KBTBD3: variants seen among roughly 807,000 people sequenced by gnomAD.
KBTBD3 encodes the protein kelch repeat and BTB domain-containing protein 3.
A neutral mutation model predicts 49.6 loss-of-function variants in KBTBD3; 38 were observed. The ratio of observed to expected loss-of-function variants is 0.77; its 90% confidence interval spans 0.59 to 1.00. The LOEUF is 1.00. KBTBD3 is among the 50% of genes least tolerant of loss of function. The probability of loss-of-function intolerance (pLI) is 0.00; values close to 1 mark genes in which losing one functional copy is unlikely to be tolerated. For synonymous variants in KBTBD3, 214 were observed against 250.4 expected (o/e 0.85, Z 1.37); for missense variants, 661 against 712.0 (o/e 0.93, Z 0.81).
Position 106,053,016 on chromosome 11 carries a change from C to T in KBTBD3, c.1673G>A (p.Gly558Asp). Reference sequence around the variant, plus strand: ...TGTGATTTCATCTGGTGCATAATCACCACCTAATATATAAATTTTATCTTC... The same window carrying T: ...TGTGATTTCATCTGGTGCATAATCATCACCTAATATATAAATTTTATCTTC... ...GIEDKIYILG[G>D]DYAPDEITDE... The change falls in exon 4 of 4, where the codon GGT becomes GAT. Residue 558 changes from glycine to aspartate, a missense_variant. Physicochemically the swap from Gly to Asp is moderately conservative, Grantham distance 94. Coordinates refer to ENST00000531837, the MANE Select transcript of KBTBD3 (RefSeq NM_198439.3). 1 of 1,613,700 alleles carries T rather than the reference C, an allele frequency of 6.2e-7. No individual in the cohort carries two copies. Among genetic ancestry groups the T allele is most frequent in the Non-Finnish European group, 8.5e-7 (1 of 1,179,754 alleles).
At chr11:106,074,287 C>T (rs181672902) in intron 2 of KBTBD3, among the ~76,000 whole-genome samples, 8 of 152,256 alleles carry the variant, frequency 5.3e-5, no homozygotes, top group African/African-American at 1.9e-4. Flanking sequence ...TTTTCTACTT[C>T]CTAAATCCAG....
Position 106,053,798 on chromosome 11 carries a change from T to A in KBTBD3, c.891A>T (p.Ile297=), listed in dbSNP as rs1299891144. 1 of 1,613,836 alleles carries A rather than the reference T, an allele frequency of 6.2e-7. No homozygotes were observed. ...CATTTTCCTCAGTTTTGTGAATGAATATGTATTTCTCAGTTGTGGATGGTC... is the reference window on the plus strand; with the variant it reads ...CATTTTCCTCAGTTTTGTGAATGAAAATGTATTTCTCAGTTGTGGATGGTC... ...DARPSTTEKY[I]FIHKTEENGE... is the part of the protein sequence containing the mutation. Residue 297 remains isoleucine, a synonymous_variant, in exon 4 of 4, where the codon ATA becomes ATT. Coordinates refer to ENST00000531837, the MANE Select transcript of KBTBD3 (RefSeq NM_198439.3).
Position 106,052,980 on chromosome 11 carries a change from T to C in KBTBD3, c.1709A>G (p.Gln570Arg). Reference sequence around the variant, plus strand: ...TTCAGACCTGTTGCTGTGGTAGACCTGCACTTCATCTGTGATTTCATCTGG... The same window carrying C: ...TTCAGACCTGTTGCTGTGGTAGACCCGCACTTCATCTGTGATTTCATCTGG... ...YAPDEITDEV[Q>R]VYHSNRSEWE... Residue 570 changes from glutamine (Q) to arginine (R), a missense_variant, in exon 4 of 4, where the codon CAG (glutamine) becomes CGG (arginine). Transcript: ENST00000531837. The C allele has an allele frequency of 1.2e-6, 2 of 1,613,834 alleles. No individual in the cohort carries two copies. Among genetic ancestry groups the C allele is most frequent in the Non-Finnish European group, 1.7e-6 (2 of 1,179,786 alleles).
At position 106,053,632 on chromosome 11, in the gene KBTBD3, T is replaced by G; in HGVS notation, c.1057A>C (p.Lys353Gln). 1.9e-6 allele frequency: 3 copies of G among 1,613,910 alleles called. No homozygotes were observed. The highest frequency in any genetic ancestry group is 2.5e-6 in the Non-Finnish European group (3 of 1,179,916). The change falls in exon 4 of 4, where the codon AAA becomes CAA. Residue 353 changes from lysine to glutamine, a missense_variant. Lys to Gln is a moderately conservative substitution (Grantham distance 53). Coordinates refer to ENST00000531837, the MANE Select transcript of KBTBD3 (RefSeq NM_198439.3). Reference protein sequence around the residue: ...KIFLTGGCKGKCCRTVRLHIA... With the variant: ...KIFLTGGCKGQCCRTVRLHIA... Reference sequence around the variant, plus strand: ...TGCAGTCGAACCGTTCGACAACATTTCCCTTTGCAACCACCTGTCAAGAAT... The same window carrying G: ...TGCAGTCGAACCGTTCGACAACATTGCCCTTTGCAACCACCTGTCAAGAAT...
chr11:106,074,149 T>G (rs1860984251), intron 2 of KBTBD3, among the ~76,000 whole-genome samples: 2 of 145,068 alleles, frequency 1.4e-5, no homozygotes, highest in Admixed American at 6.9e-5. Context: ...TTCTCATACA[T>G]TAAGAGCTTC....
intron 2 of KBTBD3, among the ~76,000 whole-genome samples, chr11:106,061,439 T>C (rs1240704889): frequency 1.3e-5 from 2 of 152,224 alleles, no homozygotes; most frequent in African/African-American, 2.4e-5. Flanking sequence ...GAGTGACAAT[T>C]TGTTTGGGAC....
intron 2 of KBTBD3, among the ~76,000 whole-genome samples, chr11:106,070,932 T>C (rs572982896): frequency 1.6e-4 from 24 of 152,216 alleles, no homozygotes; most frequent in African/African-American, 5.8e-4. Context: ...AATCTACACG[T>C]GAGAAAATTA....
chr11:106,067,270 C>T (rs993616354), intron 2 of KBTBD3, among the ~76,000 whole-genome samples: 2 of 152,144 alleles, frequency 1.3e-5, no homozygotes, highest in Non-Finnish European at 2.9e-5. Context: ...TCGTTCTCCT[C>T]CTACTAGAAT....
At chr11:106,077,243 G>A (rs906268122) in intron 1 of KBTBD3, 69 bp downstream of exon 1, 12 of 162,808 alleles carry the variant, frequency 7.4e-5, no homozygotes, top group African/African-American at 2.4e-4. Flanking sequence ...TGGGTCACAG[G>A]GGCCAACTCA....
rs1224858788 is a variant in KBTBD3 at position 106,052,847 on chromosome 11, T to G, written c.*3A>C. On this transcript the variant is annotated 3_prime_UTR_variant, in exon 4 of 4. Transcript: ENST00000531837. ...TACTAGAACTGGACTCGTTTTAGAA[T>G]GTTCAAGCACATAGATTAGAAAACC... 1.9e-6 allele frequency: 3 copies of G among 1,597,574 alleles called. No individual in the cohort carries two copies. The highest frequency in any genetic ancestry group is 1.1e-5 in the South Asian group (1 of 88,152).
chr11:106,052,911 T>C lies in KBTBD3; in HGVS notation c.1778A>G (p.Tyr593Cys). 6.2e-7 allele frequency: 1 copy of C among 1,613,592 alleles called. No individual in the cohort carries two copies. Among genetic ancestry groups the C allele is most frequent in the Non-Finnish European group, 8.5e-7 (1 of 1,179,626 alleles). Residue 593 changes from tyrosine (Y) to cysteine (C), a missense_variant, in exon 4 of 4, where the codon TAC (tyrosine) becomes TGC (cysteine). Coordinates refer to ENST00000531837, the MANE Select transcript of KBTBD3 (RefSeq NM_198439.3). Reference sequence around the variant, plus strand: ...TTTATTAAACTGAATCACCTGGCAGTAAAATTCTGTTAAGGCTCTAGGCAT... The same window carrying C: ...TTTATTAAACTGAATCACCTGGCAGCAAAATTCTGTTAAGGCTCTAGGCAT... ...SPMPRALTEFYCQVIQFNKYR... is the reference protein window; with the variant it reads ...SPMPRALTEFCCQVIQFNKYR...
chr11:106,056,892 G>A (rs1283056311), intron 3 of KBTBD3, among the ~76,000 whole-genome samples: 2 of 152,122 alleles, frequency 1.3e-5, no homozygotes, highest in Admixed American at 6.5e-5. Context: ...GAAAACTTAG[G>A]TTATAAGAGA....
chr11:106,052,936 T>C lies in KBTBD3; in HGVS notation c.1753A>G (p.Met585Val). The C allele has an allele frequency of 1.2e-6, 2 of 1,613,746 alleles. No homozygotes were observed. The highest frequency in any genetic ancestry group is 1.3e-5 in the African/African-American group (1 of 75,032). The stretch of plus-strand genomic sequence containing the variant: ...TAAAATTCTGTTAAGGCTCTAGGCA[T>C]TGGTGAAACTTCTTCCCATTCAGAC... Reference protein sequence around the residue: ...NRSEWEEVSPMPRALTEFYCQ... With the variant: ...NRSEWEEVSPVPRALTEFYCQ... The change falls in exon 4 of 4, where the codon ATG becomes GTG. Residue 585 changes from methionine (M) to valine (V), a missense_variant. Transcript: ENST00000531837.
At chr11:106,062,315 A>AAG (rs970937344) in intron 2 of KBTBD3, among the ~76,000 whole-genome samples, 4 of 152,066 alleles carry the variant, frequency 2.6e-5, no homozygotes, top group African/African-American at 9.7e-5. Flanking sequence ...GAGAGAGAGC[A>AAG]AGAGAGAGAG....
rs539158558 is a variant in KBTBD3 at position 106,065,474 on chromosome 11, G to A, written c.-12-6365C>T. On this transcript the variant is annotated intron_variant, in intron 2 of 3. Transcript: ENST00000531837. ...AGGAAGAATTCACATGGAACAGTGAGAGAAATGGAGGAAAACCAGGAGAGG... is the reference window on the plus strand; with the variant it reads ...AGGAAGAATTCACATGGAACAGTGAAAGAAATGGAGGAAAACCAGGAGAGG... 1.1e-3 allele frequency among the ~76,000 whole-genome samples: 163 copies of A among 152,330 alleles called. 1 individual carries two copies. The highest frequency in any genetic ancestry group is 3.7e-3 in the African/African-American group (154 of 41,576).
intron 2 of KBTBD3, among the ~76,000 whole-genome samples, chr11:106,075,184 G>A (rs1861003914): frequency 1.3e-5 from 2 of 152,152 alleles, no homozygotes; most frequent in African/African-American, 4.8e-5. Context: ...ATTACAGACT[G>A]AGTGAGCCCC....
intron 2 of KBTBD3, among the ~76,000 whole-genome samples, chr11:106,074,131 C>A (rs1860983536): frequency 7.0e-6 from 1 of 142,508 alleles, no homozygotes; most frequent in Non-Finnish European, 1.5e-5. Flanking sequence ...CACACACATA[C>A]CCCTTCCTTC....
At chr11:106,069,177 C>T (rs991490050) in intron 2 of KBTBD3, among the ~76,000 whole-genome samples, 2 of 152,094 alleles carry the variant, frequency 1.3e-5, no homozygotes, top group Non-Finnish European at 2.9e-5. Context: ...CACTGCTATT[C>T]ATCATAGTTC....
At chr11:106,072,549 CTTTT>C (rs1352421732) in intron 2 of KBTBD3, among the ~76,000 whole-genome samples, 1 of 151,886 alleles carries the variant, frequency 6.6e-6, no homozygotes, top group Non-Finnish European at 1.5e-5. Flanking sequence ...GATTGTTATT[CTTTT>C]TTTTAAAAGC....
Sources: gnomAD v4.1 joint callset for allele counts (sites outside exome capture counted in the v4.1 genomes callset) on GRCh38, gnomAD v4.1.1 for gene constraint, MANE v1.5 for transcripts, NCBI Gene and HGNC (gene_info 2026-07-23, HGNC 2026-07-21) for gene names.